The following TBC1D4 variants were observed in gnomAD, a reference collection of about 807,000 sequenced individuals.
TBC1D4 encodes the protein TBC (Tre-2, BUB2, CDC16) domain-containing protein.
TBC1D4 carries 121 observed loss-of-function variants against 142.5 expected under a neutral mutation model. The ratio of observed to expected loss-of-function variants is 0.85; its 90% CI spans 0.73 to 0.99. TBC1D4 has a LOEUF of 0.99. Ranked by LOEUF, TBC1D4 falls within the 50% of genes least tolerant of loss-of-function variation. The pLI, the probability that TBC1D4 is intolerant of heterozygous loss-of-function variation, is 0.00. For missense variants in TBC1D4, 1,475 were observed against 1,606.6 expected, an observed-to-expected ratio of 0.92 and a Z score of 1.40; for synonymous variants, 630 against 628.2, an observed-to-expected ratio of 1.00 and a Z score of -0.04.
chr13:75,465,441 A>G (rs1349582513), intron 1 of TBC1D4, among the ~76,000 whole-genome samples: 2 of 152,260 alleles, frequency 1.3e-5, no homozygotes, highest in African/African-American at 4.8e-5. Context: ...GGTAATGAAC[A>G]AAGGAACAGC....
intron 1 of TBC1D4, among the ~76,000 whole-genome samples, chr13:75,393,120 C>T (rs61960778): frequency 1.7e-5 from 2 of 118,132 alleles, no homozygotes; most frequent in African/African-American, 9.8e-5. Flanking sequence ...TTAAAATACA[C>T]ACACACACAC....
At chr13:75,380,430 G>A (rs954814295) in intron 1 of TBC1D4, among the ~76,000 whole-genome samples, 2 of 151,568 alleles carry the variant, frequency 1.3e-5, no homozygotes, top group Non-Finnish European at 1.5e-5. Flanking sequence ...CCGCGATCAC[G>A]CCATTGCATT....
intron 1 of TBC1D4, among the ~76,000 whole-genome samples, chr13:75,369,223 T>TGG (rs1228920741): frequency 1.3e-5 from 2 of 152,132 alleles, no homozygotes; most frequent in African/African-American, 4.8e-5. Flanking sequence ...TGGGGTGTGT[T>TGG]GGCTCACACC....
intron 1 of TBC1D4, among the ~76,000 whole-genome samples, chr13:75,434,649 G>A (rs548928656): frequency 3.3e-5 from 5 of 151,554 alleles, no homozygotes; most frequent in African/African-American, 9.7e-5. Flanking sequence ...GAAAATAAAA[G>A]TTAACGAAAT....
chr13:75,318,172 A>T (rs1253468047), intron 12 of TBC1D4, among the ~76,000 whole-genome samples: 1 of 152,244 alleles, frequency 6.6e-6, no homozygotes, highest in Non-Finnish European at 1.5e-5. Context: ...TTTAAGAAGG[A>T]TGTAGTCATA....
intron 1 of TBC1D4, among the ~76,000 whole-genome samples, chr13:75,468,360 T>C (rs1888254915): frequency 6.6e-6 from 1 of 152,190 alleles, no homozygotes; most frequent in Non-Finnish European, 1.5e-5. Context: ...GAAGCCTAAA[T>C]AACTGAACTG....
At chr13:75,345,667 C>A (rs902591541) in intron 5 of TBC1D4, among the ~76,000 whole-genome samples, 1 of 151,134 alleles carries the variant, frequency 6.6e-6, no homozygotes, top group Non-Finnish European at 1.5e-5. Flanking sequence ...CCAAGGCGGG[C>A]GGATTGCCTG....
chr13:75,337,439 A>G (rs1247495164), intron 7 of TBC1D4, among the ~76,000 whole-genome samples: 1 of 152,246 alleles, frequency 6.6e-6, no homozygotes, highest in Non-Finnish European at 1.5e-5. Context: ...CAAAGAACAA[A>G]GCATTTTCCA....
rs1002658925 is a variant in TBC1D4, at chr13:75,286,607, T to C, written c.*185A>G. On this transcript the variant is annotated 3_prime_UTR_variant, in exon 21 of 21. Coordinates refer to ENST00000377636, the MANE Select transcript of TBC1D4 (RefSeq NM_014832.5). ...GCAACAACAAAAACCAGTCTACATA[T>C]GTCCAATGGCTTAGGATTGGCATGC... 4.8e-6 allele frequency: 3 copies of C among 623,588 alleles called. No homozygotes were observed. The highest frequency in any genetic ancestry group is 8.6e-6 in the Non-Finnish European group (3 of 350,536). The allele number at this position is 623,588 out of a possible 1,614,324, so 38.6% of individuals were successfully genotyped here.
At chr13:75,389,106 A>G (rs546763106) in intron 1 of TBC1D4, among the ~76,000 whole-genome samples, 2 of 152,374 alleles carry the variant, frequency 1.3e-5, no homozygotes, top group African/African-American at 4.8e-5. Flanking sequence ...ATTGCTGCCC[A>G]TCATCTATTC....
intron 4 of TBC1D4, among the ~76,000 whole-genome samples, chr13:75,352,597 A>G (rs1444073331): frequency 6.6e-6 from 1 of 151,394 alleles, no homozygotes; most frequent in African/African-American, 2.4e-5. Flanking sequence ...ACCAACAACT[A>G]TTTTAAGAAA....
At chr13:75,441,419 A>G (rs1412353522) in intron 1 of TBC1D4, among the ~76,000 whole-genome samples, 2 of 152,224 alleles carry the variant, frequency 1.3e-5, no homozygotes, top group Non-Finnish European at 2.9e-5. Context: ...AACCAAAAAA[A>G]AGAAACCTAA....
intron 11 of TBC1D4, 143 bp from the exon 12 acceptor site, chr13:75,320,180 C>CTT: frequency 1.3e-6 from 1 of 792,272 alleles, no homozygotes; most frequent in Non-Finnish European, 2.0e-6. Context: ...ATAATTATAC[C>CTT]TTTTTTTTTC....
chr13:75,347,014 C>T (rs759643938), intron 5 of TBC1D4, among the ~76,000 whole-genome samples: 25 of 152,118 alleles, frequency 1.6e-4, no homozygotes, highest in Admixed American at 3.9e-4. Context: ...TTAAATGTCA[C>T]CTTCTGTACT....
At chr13:75,292,677 A>G (rs1250041406) in intron 18 of TBC1D4, among the ~76,000 whole-genome samples, 3 of 152,076 alleles carry the variant, frequency 2.0e-5, no homozygotes, top group African/African-American at 7.2e-5. Flanking sequence ...CATAATAAAA[A>G]GTAAATGAAC....
chr13:75,384,101 AAAAT>A (rs990553774), intron 1 of TBC1D4, among the ~76,000 whole-genome samples: 13 of 78,492 alleles, frequency 1.7e-4, no homozygotes, highest in Middle Eastern at 9.1e-3. Flanking sequence ...ATAATAAAAA[AAAAT>A]AATAATAATA....
At chr13:75,326,480 C>G in intron 9 of TBC1D4, 57 bp from the exon 10 acceptor site, 1 of 1,570,032 alleles carries the variant, frequency 6.4e-7, no homozygotes, top group Non-Finnish European at 8.8e-7. Flanking sequence ...GGCAGACCTG[C>G]CAAAACACAG....
intron 8 of TBC1D4, among the ~76,000 whole-genome samples, chr13:75,328,735 C>A (rs1460875079): frequency 1.6e-4 from 25 of 152,160 alleles, no homozygotes; most frequent in Admixed American, 1.6e-3. Flanking sequence ...AATTTTTTAA[C>A]AATGCATAAC....
At chr13:75,338,564 G>C (rs1035326243) in intron 7 of TBC1D4, among the ~76,000 whole-genome samples, 3 of 152,070 alleles carry the variant, frequency 2.0e-5, no homozygotes, top group African/African-American at 7.2e-5. Context: ...CCTCCTGTAT[G>C]ATCATTTCTT....
Sources: allele counts gnomAD v4.1 joint callset (sites outside exome capture counted in the v4.1 genomes callset), GRCh38; gene constraint gnomAD v4.1.1; transcripts MANE v1.5; gene names NCBI Gene and HGNC (gene_info 2026-07-23, HGNC 2026-07-21).